The following GALNTL6 variants were observed in gnomAD, a reference collection of about 807,000 sequenced individuals.
GALNTL6 encodes polypeptide N-acetylgalactosaminyltransferase like 6.
Under a neutral mutation model 73.7 loss-of-function variants are expected in GALNTL6, and 46 were observed. The observed-to-expected ratio is 0.62, with a 90% CI of 0.49 to 0.80. The LOEUF is 0.80. Ranked by LOEUF, GALNTL6 falls within the 30% of genes least tolerant of loss-of-function variation. The pLI is 0.00. For synonymous variants in GALNTL6, 259 were observed against 263.7 expected, an observed-to-expected ratio of 0.98 and a Z score of 0.17; for missense variants, 604 against 755.0, an observed-to-expected ratio of 0.80 and a Z score of 2.34.
intron 2 of GALNTL6, among the ~76,000 whole-genome samples, chr4:172,100,412 C>T (rs1732477412): frequency 6.6e-6 from 1 of 151,864 alleles, no homozygotes; most frequent in African/African-American, 2.4e-5. Flanking sequence ...TGATTGAATA[C>T]ACAAATGAAA....
At chr4:171,869,082 C>G (rs991286808) in intron 2 of GALNTL6, among the ~76,000 whole-genome samples, 1 of 152,162 alleles carries the variant, frequency 6.6e-6, no homozygotes. Flanking sequence ...GTAGAAAAAT[C>G]TCAGGAGAAA....
intron 10 of GALNTL6, among the ~76,000 whole-genome samples, chr4:172,982,968 A>G (rs998723055): frequency 6.6e-6 from 1 of 152,146 alleles, no homozygotes; most frequent in Non-Finnish European, 1.5e-5. Flanking sequence ...ATAATAGACA[A>G]TGGAGACTCA....
intron 5 of GALNTL6, among the ~76,000 whole-genome samples, chr4:172,492,936 A>G (rs1386699202): frequency 6.6e-6 from 1 of 152,174 alleles, no homozygotes; most frequent in Non-Finnish European, 1.5e-5. Context: ...ATGCGCAAAG[A>G]GGTGGTAACA....
intron 5 of GALNTL6, among the ~76,000 whole-genome samples, chr4:172,764,703 A>AACATTGAT (rs1738307577): frequency 1.3e-5 from 2 of 152,176 alleles, no homozygotes; most frequent in African/African-American, 4.8e-5. Flanking sequence ...TCAAAAGGTG[A>AACATTGAT]ACATTGATTC....
At chr4:173,032,004 G>A (rs1753480409) in intron 12 of GALNTL6, among the ~76,000 whole-genome samples, 2 of 152,166 alleles carry the variant, frequency 1.3e-5, no homozygotes, top group African/African-American at 2.4e-5. Flanking sequence ...TGGAGAAAAA[G>A]ACCACAGACA....
intron 3 of GALNTL6, among the ~76,000 whole-genome samples, chr4:172,292,736 G>T (rs902750693): frequency 6.6e-6 from 1 of 152,100 alleles, no homozygotes; most frequent in African/African-American, 2.4e-5. Context: ...GTAAAATATA[G>T]ATATTTCTAA....
intron 7 of GALNTL6, among the ~76,000 whole-genome samples, chr4:172,863,216 C>A (rs1051178181): frequency 3.3e-5 from 5 of 152,204 alleles, no homozygotes; most frequent in Non-Finnish European, 5.9e-5. Context: ...GGATCAGAGA[C>A]CCCACACAGA....
intron 7 of GALNTL6, among the ~76,000 whole-genome samples, chr4:172,823,670 G>C (rs1742065412): frequency 6.6e-6 from 1 of 151,950 alleles, no homozygotes; most frequent in Non-Finnish European, 1.5e-5. Flanking sequence ...ATAGGGGAGT[G>C]GTAGAAAGTA....
Position 171,896,083 on chromosome 4 carries a change from C to T in GALNTL6, c.138+81365C>T, listed in dbSNP as rs534894761. 9.2e-5 allele frequency among the ~76,000 whole-genome samples: 14 copies of T among 152,068 alleles called. 1 individual carries two copies. In the East Asian group the frequency reaches 2.7e-3, roughly 29 times the overall value. ...CCTAACATAAGTGTCATTGGTTGTC[C>T]ATCAGGGAAAAAGAGGGAAAGGCAT... On this transcript the variant is annotated intron_variant, in intron 2 of 12. Transcript: ENST00000506823.
chr4:172,762,451 TAA>T (rs5864167), intron 5 of GALNTL6, among the ~76,000 whole-genome samples: 1 of 145,486 alleles, frequency 6.9e-6, no homozygotes, highest in Non-Finnish European at 1.5e-5. Context: ...GTGTCAAACT[TAA>T]AAAAAAAAAA....
intron 5 of GALNTL6, among the ~76,000 whole-genome samples, chr4:172,552,950 G>A (rs979235137): frequency 6.6e-6 from 1 of 150,838 alleles, no homozygotes; most frequent in Non-Finnish European, 1.5e-5. Context: ...TCTTAGGTAT[G>A]GTTAGATTAA....
At chr4:171,844,526 A>G (rs483438) in intron 2 of GALNTL6, among the ~76,000 whole-genome samples, 112,623 of 151,942 alleles carry the variant, frequency 0.74, 41,951 homozygotes, top group South Asian at 0.87. Context: ...TTTAAGTTTT[A>G]TTTTCAGATG....
At chr4:172,250,442 G>A (rs530883205) in intron 3 of GALNTL6, among the ~76,000 whole-genome samples, 50 of 152,248 alleles carry the variant, frequency 3.3e-4, no homozygotes, top group African/African-American at 1.2e-3. Context: ...TTTAAAATGT[G>A]AGGACATGAG....
At chr4:172,263,513 C>T (rs1412628612) in intron 3 of GALNTL6, among the ~76,000 whole-genome samples, 1 of 151,094 alleles carries the variant, frequency 6.6e-6, no homozygotes, top group Non-Finnish European at 1.5e-5. Context: ...GAACTTTCAT[C>T]CATATCCTGT....
intron 2 of GALNTL6, among the ~76,000 whole-genome samples, chr4:172,091,862 G>A (rs959368624): frequency 3.3e-5 from 5 of 152,024 alleles, no homozygotes; most frequent in African/African-American, 7.2e-5. Flanking sequence ...GAAAAGAATC[G>A]GGAACATTTT....
chr4:172,346,006 G>C (rs13134697), intron 4 of GALNTL6, among the ~76,000 whole-genome samples: 31,958 of 152,002 alleles, frequency 0.21, 3,674 homozygotes, highest in East Asian at 0.36. Flanking sequence ...CAGAACTTCT[G>C]ATCTGCCCTT....
At chr4:172,591,480 A>G (rs1223140206) in intron 5 of GALNTL6, among the ~76,000 whole-genome samples, 1 of 152,216 alleles carries the variant, frequency 6.6e-6, no homozygotes, top group African/African-American at 2.4e-5. Flanking sequence ...CAAGACCATA[A>G]AAACCTAACC....
chr4:172,928,168 G>A (rs1372685668), intron 8 of GALNTL6, among the ~76,000 whole-genome samples: 1 of 152,200 alleles, frequency 6.6e-6, no homozygotes, highest in Non-Finnish European at 1.5e-5. Flanking sequence ...AGTTCCAAAA[G>A]ATACCATATG....
At chr4:172,127,207 G>A (rs1336234145) in intron 2 of GALNTL6, among the ~76,000 whole-genome samples, 1 of 152,222 alleles carries the variant, frequency 6.6e-6, no homozygotes, top group African/African-American at 2.4e-5. Flanking sequence ...GCCAGTGCCT[G>A]TTCACAGCAT....
Sources: allele counts gnomAD v4.1 joint callset (sites outside exome capture counted in the v4.1 genomes callset), GRCh38; gene constraint gnomAD v4.1.1; transcripts MANE v1.5; gene names NCBI Gene and HGNC (gene_info 2026-07-23, HGNC 2026-07-21).